LOC128462377: variants seen among roughly 807,000 people sequenced by gnomAD.
the LOC128462377 span, among the ~76,000 whole-genome samples, chr16:89,376,448 GT>G: frequency 3.9e-5 from 6 of 152,106 alleles, no homozygotes; most frequent in Non-Finnish European, 7.4e-5. Flanking sequence ...TTTTGTTTTT[GT>G]TTTTTTGAGT....
the LOC128462377 span, among the ~76,000 whole-genome samples, chr16:89,390,404 G>C: frequency 2.0e-5 from 3 of 152,200 alleles, no homozygotes; most frequent in African/African-American, 7.2e-5. Flanking sequence ...CAAACCCCGA[G>C]TGTGGCGTGG....
the LOC128462377 span, among the ~76,000 whole-genome samples, chr16:89,338,424 T>TAA: frequency 8.4e-3 from 1,072 of 126,992 alleles, 17 homozygotes; most frequent in African/African-American, 0.03. Flanking sequence ...TACACTCTGT[T>TAA]AAAAAAAAAA....
the LOC128462377 span, among the ~76,000 whole-genome samples, chr16:89,362,307 T>A: frequency 6.6e-6 from 1 of 152,220 alleles, no homozygotes; most frequent in Non-Finnish European, 1.5e-5. Context: ...TGCTCCTCTG[T>A]CTGCCTGAGT....
At chr16:89,369,651 T>C in the LOC128462377 span, among the ~76,000 whole-genome samples, 1 of 152,216 alleles carries the variant, frequency 6.6e-6, no homozygotes, top group Non-Finnish European at 1.5e-5. Flanking sequence ...AGGGGGGTCC[T>C]TGTGGTGACG....
the LOC128462377 span, among the ~76,000 whole-genome samples, chr16:89,333,871 G>C: frequency 6.6e-6 from 1 of 152,176 alleles, no homozygotes; most frequent in Non-Finnish European, 1.5e-5. Context: ...CTGTGAGTAT[G>C]TTCCCAGTAT....
chr16:89,340,164 G>T, the LOC128462377 span, among the ~76,000 whole-genome samples: 2 of 152,212 alleles, frequency 1.3e-5, no homozygotes, highest in Non-Finnish European at 2.9e-5. Context: ...GGAATTTCTA[G>T]CAAGAAACTG....
At chr16:89,326,976 C>G in the LOC128462377 span, among the ~76,000 whole-genome samples, 1 of 151,148 alleles carries the variant, frequency 6.6e-6, no homozygotes, top group Non-Finnish European at 1.5e-5. Flanking sequence ...AAGAAGTCCA[C>G]TGGGCAATGC....
the LOC128462377 span, among the ~76,000 whole-genome samples, chr16:89,360,997 C>T: frequency 6.6e-6 from 1 of 152,152 alleles, no homozygotes; most frequent in Non-Finnish European, 1.5e-5. Flanking sequence ...CAGATGGATC[C>T]GATCCAACTC....
At chr16:89,323,054 G>A in the LOC128462377 span, 3 of 298,654 alleles carry the variant, frequency 1.0e-5, no homozygotes, top group East Asian at 1.2e-4. Context: ...TGCTTCCGAG[G>A]CTGGTGTCTG....
the LOC128462377 span, among the ~76,000 whole-genome samples, chr16:89,346,250 G>GA: frequency 0.5 from 47,891 of 96,594 alleles, 11,667 homozygotes; most frequent in Middle Eastern, 0.58. Context: ...CCCGTCTCAG[G>GA]AAAAAAAAAA....
At chr16:89,409,569 G>A in the LOC128462377 span, among the ~76,000 whole-genome samples, 6 of 152,170 alleles carry the variant, frequency 3.9e-5, no homozygotes, top group East Asian at 5.8e-4. Context: ...ATCACACAGC[G>A]TTGGGAGGCA....
the LOC128462377 span, among the ~76,000 whole-genome samples, chr16:89,338,063 C>G: frequency 1.3e-5 from 2 of 152,332 alleles, no homozygotes; most frequent in Non-Finnish European, 2.9e-5. Context: ...ACCACTGTGT[C>G]GCGCTCTGCC....
the LOC128462377 span, among the ~76,000 whole-genome samples, chr16:89,322,683 T>C: frequency 7.9e-6 from 1 of 126,342 alleles, no homozygotes; most frequent in Admixed American, 8.0e-5. Flanking sequence ...CTGGGGAGGG[T>C]GGGGAAGGGG....
the LOC128462377 span, among the ~76,000 whole-genome samples, chr16:89,411,692 C>T: frequency 6.6e-6 from 1 of 152,050 alleles, no homozygotes; most frequent in South Asian, 2.1e-4. Flanking sequence ...GGGATTACGG[C>T]CAGTTTACAT....
At chr16:89,404,858 C>T in the LOC128462377 span, among the ~76,000 whole-genome samples, 118 of 152,394 alleles carry the variant, frequency 7.7e-4, no homozygotes, top group African/African-American at 2.5e-3. Context: ...AAAAGAACCA[C>T]TGTAAATCAC....
the LOC128462377 span, among the ~76,000 whole-genome samples, chr16:89,366,763 G>GTCAT: frequency 1.1e-4 from 16 of 152,328 alleles, no homozygotes; most frequent in South Asian, 3.3e-3. Flanking sequence ...TGTGTGCTAT[G>GTCAT]GGTACACCAA....
the LOC128462377 span, among the ~76,000 whole-genome samples, chr16:89,393,197 C>G: frequency 6.6e-6 from 1 of 152,180 alleles, no homozygotes; most frequent in Non-Finnish European, 1.5e-5. Flanking sequence ...CTTGAGAGCA[C>G]GACGCCAGCC....
chr16:89,329,178 G>C, the LOC128462377 span, among the ~76,000 whole-genome samples: 4 of 152,210 alleles, frequency 2.6e-5, no homozygotes, highest in Non-Finnish European at 5.9e-5. Context: ...GGAAACAGGC[G>C]GGGACTCCGT....
At chr16:89,349,903 C>CAT in the LOC128462377 span, among the ~76,000 whole-genome samples, 17 of 134,374 alleles carry the variant, frequency 1.3e-4, no homozygotes, top group Admixed American at 1.3e-3. Context: ...CACACACACA[C>CAT]ACACACACAT....
Sources: allele counts gnomAD v4.1 joint callset (sites outside exome capture counted in the v4.1 genomes callset), GRCh38; gene constraint gnomAD v4.1.1; transcripts MANE v1.5.